The following HERC4 variants were observed in gnomAD, a reference collection of about 807,000 sequenced individuals.
The protein encoded by HERC4 is probable E3 ubiquitin-protein ligase HERC4.
A neutral mutation model predicts 124.3 loss-of-function variants in HERC4; 28 were observed. That is an observed-to-expected ratio of 0.23 (90% CI 0.17 to 0.31). HERC4 has a LOEUF of 0.31. HERC4 is among the 10% of genes least tolerant of loss of function. HERC4 has a pLI of 1.00. For missense variants in HERC4, 713 were observed against 1,229.3 expected (o/e 0.58, Z 6.28); for synonymous variants, 407 against 421.5 (o/e 0.97, Z 0.42).
chr10:67,962,279 A>G (rs2034574435), intron 16 of HERC4, among the ~76,000 whole-genome samples: 1 of 151,982 alleles, frequency 6.6e-6, no homozygotes, highest in South Asian at 2.1e-4. Flanking sequence ...ACTATACTAT[A>G]TACCAAGGGA....
intron 3 of HERC4, among the ~76,000 whole-genome samples, chr10:68,072,297 T>C (rs915752819): frequency 1.3e-5 from 2 of 152,140 alleles, no homozygotes; most frequent in Admixed American, 1.3e-4. Context: ...CTTGTACAAC[T>C]ACTACAAAAT....
intron 19 of HERC4, among the ~76,000 whole-genome samples, chr10:67,945,663 T>C (rs2033265815): frequency 6.6e-6 from 1 of 151,862 alleles, no homozygotes; most frequent in Non-Finnish European, 1.5e-5. Context: ...TGTAGTAAAA[T>C]AAACAGAAAC....
intron 15 of HERC4, among the ~76,000 whole-genome samples, chr10:67,984,933 T>A (rs1048663335): frequency 6.6e-6 from 1 of 152,006 alleles, no homozygotes; most frequent in Non-Finnish European, 1.5e-5. Context: ...CATAAAGATA[T>A]ACCTACTATG....
chr10:68,033,607 T>C (rs945550953), intron 6 of HERC4, among the ~76,000 whole-genome samples: 26 of 152,226 alleles, frequency 1.7e-4, no homozygotes, highest in Non-Finnish European at 1.5e-5. Flanking sequence ...AAATATTTCC[T>C]TGAAAAACTC....
chr10:67,967,989 T>A (rs2034993367), intron 15 of HERC4, among the ~76,000 whole-genome samples: 1 of 151,944 alleles, frequency 6.6e-6, no homozygotes, highest in Non-Finnish European at 1.5e-5. Context: ...ATACTTTGTA[T>A]CAGACTACTC....
At chr10:67,942,326 A>G (rs1299571816) in intron 19 of HERC4, among the ~76,000 whole-genome samples, 1 of 152,216 alleles carries the variant, frequency 6.6e-6, no homozygotes, top group Non-Finnish European at 1.5e-5. Flanking sequence ...CTAAAGGTTC[A>G]ATAAATGTCA....
chr10:67,948,833 AT>A (rs1234057315), intron 19 of HERC4, among the ~76,000 whole-genome samples: 2 of 152,134 alleles, frequency 1.3e-5, no homozygotes, highest in Admixed American at 1.3e-4. Context: ...AGGCACAAGA[AT>A]GGCTTGAACA....
In HERC4 at chr10:68,062,489, T is replaced by A. The variant is rs1391325186; in HGVS notation, c.226+10394A>T. Among the ~76,000 whole-genome samples the A allele has an allele frequency of 2.6e-5, 4 of 152,216 alleles. No homozygotes were observed. In the East Asian group the frequency reaches 7.7e-4, roughly 29 times the overall value. On this transcript the variant is annotated intron_variant, in intron 3 of 24. Coordinates refer to ENST00000373700, the MANE Select transcript of HERC4 (RefSeq NM_015601.4). Reference sequence around the variant, plus strand: ...ACTACCATCGGCCGGGCACGGTGGCTCACGCCTGTAATCCCAGCACTTTGG... The same window carrying A: ...ACTACCATCGGCCGGGCACGGTGGCACACGCCTGTAATCCCAGCACTTTGG...
chr10:68,028,413 G>T (rs1481563657), intron 7 of HERC4, among the ~76,000 whole-genome samples: 1 of 152,142 alleles, frequency 6.6e-6, no homozygotes. Flanking sequence ...TCGATATCCA[G>T]TGAAAGCTCC....
chr10:67,969,095 G>A (rs1414508376), intron 15 of HERC4, among the ~76,000 whole-genome samples: 1 of 152,160 alleles, frequency 6.6e-6, no homozygotes. Flanking sequence ...ATCAGTAACA[G>A]AAAGAGATTT....
chr10:67,963,894 G>A (rs955762956), intron 16 of HERC4, among the ~76,000 whole-genome samples: 6 of 152,092 alleles, frequency 3.9e-5, no homozygotes, highest in African/African-American at 1.4e-4. Flanking sequence ...ATTAGCCTCA[G>A]TTCAAGTCTT....
chr10:67,936,074 T>C, intron 22 of HERC4, 79 bp downstream of exon 22: 1 of 864,528 alleles, frequency 1.2e-6, no homozygotes, highest in Non-Finnish European at 1.8e-6. Context: ...AGCTTAGGGT[T>C]GTGACACGTT....
chr10:67,979,495 C>T (rs907286788), intron 15 of HERC4, among the ~76,000 whole-genome samples: 1 of 151,866 alleles, frequency 6.6e-6, no homozygotes, highest in Non-Finnish European at 1.5e-5. Context: ...AAGTTACTGG[C>T]CTTAAAGAGG....
intron 21 of HERC4, among the ~76,000 whole-genome samples, chr10:67,937,187 T>C (rs909247925): frequency 6.6e-6 from 1 of 151,906 alleles, no homozygotes; most frequent in Non-Finnish European, 1.5e-5. Context: ...TTTCTGAAAA[T>C]GTATGGCAAG....
intron 3 of HERC4, among the ~76,000 whole-genome samples, chr10:68,059,260 A>G (rs2040708750): frequency 6.6e-6 from 1 of 151,476 alleles, no homozygotes; most frequent in African/African-American, 2.4e-5. Context: ...AGATCATACT[A>G]AATTTACAAA....
At chr10:67,946,339 TA>T (rs1404238211) in intron 19 of HERC4, among the ~76,000 whole-genome samples, 1 of 115,486 alleles carries the variant, frequency 8.7e-6, no homozygotes, top group Non-Finnish European at 1.8e-5. Flanking sequence ...GGTAAATGGA[TA>T]AAACACAAAC....
At chr10:68,013,615 T>C (rs1358127738) in intron 9 of HERC4, among the ~76,000 whole-genome samples, 1 of 152,206 alleles carries the variant, frequency 6.6e-6, no homozygotes, top group African/African-American at 2.4e-5. Flanking sequence ...GTTTAATGCA[T>C]AGAGTTTTAG....
At chr10:67,992,925 C>T (rs1472029934) in intron 9 of HERC4, 3 of 307,578 alleles carry the variant, frequency 9.8e-6, no homozygotes, top group Non-Finnish European at 1.2e-5. Flanking sequence ...CTTTCTTCTG[C>T]CCTGCACCAA....
rs575739866 is a variant in HERC4, at chr10:68,046,139, A to C, written c.227-1576T>G. Among the ~76,000 whole-genome samples the C allele has an allele frequency of 6.1e-3, 926 of 152,302 alleles. 5 individuals carry two copies. The highest frequency in any genetic ancestry group is 0.027 in the Middle Eastern group (8 of 292). ...ATATGACACACACTGTTCCAAAAAA[A>C]AAAAAGAAAAAATACTTAGAAGCAT... On this transcript the variant is annotated intron_variant, in intron 3 of 24. Transcript: ENST00000373700.
Sources: gnomAD v4.1 joint callset for allele counts (sites outside exome capture counted in the v4.1 genomes callset) on GRCh38, gnomAD v4.1.1 for gene constraint, MANE v1.5 for transcripts, NCBI Gene and HGNC (gene_info 2026-07-23, HGNC 2026-07-21) for gene names.